ZNF521: variants seen among roughly 807,000 people sequenced by gnomAD.
ZNF521 encodes the protein LYST-interacting protein 3.
ZNF521 carries 14 observed loss-of-function variants against 105.5 expected under a neutral mutation model. The observed-to-expected ratio is 0.13, with a 90% confidence interval of 0.09 to 0.21. ZNF521 has a LOEUF of 0.21. ZNF521 is among the 10% of genes least tolerant of loss of function. The pLI is 1.00. For synonymous variants in ZNF521, 635 were observed against 606.0 expected, an observed-to-expected ratio of 1.05 and a Z score of -0.70; for missense variants, 1,233 against 1,629.7, an observed-to-expected ratio of 0.76 and a Z score of 4.19.
chr18:25,288,936 A>G (rs1025390863), intron 3 of ZNF521, among the ~76,000 whole-genome samples: 2 of 152,252 alleles, frequency 1.3e-5, no homozygotes, highest in Non-Finnish European at 2.9e-5. Context: ...TTAACAAAAT[A>G]AATATGTTTT....
At chr18:25,231,736 A>G (rs990068408) in intron 3 of ZNF521, among the ~76,000 whole-genome samples, 2 of 152,226 alleles carry the variant, frequency 1.3e-5, no homozygotes, top group Admixed American at 6.5e-5. Flanking sequence ...GGCTAGACTA[A>G]TGTTAATGCT....
At chr18:25,275,381 G>A (rs1909963041) in intron 3 of ZNF521, among the ~76,000 whole-genome samples, 1 of 152,164 alleles carries the variant, frequency 6.6e-6, no homozygotes, top group Admixed American at 6.5e-5. Context: ...AGCTATAACT[G>A]GCTGAGTAGT....
At chr18:25,169,983 A>AT (rs2035418308) in intron 5 of ZNF521, among the ~76,000 whole-genome samples, 2 of 152,224 alleles carry the variant, frequency 1.3e-5, no homozygotes, top group Admixed American at 6.5e-5. Flanking sequence ...TATTAACAAT[A>AT]TAATACTGAT....
chr18:25,193,976 A>AT (rs1292342125), intron 5 of ZNF521, among the ~76,000 whole-genome samples: 2 of 151,504 alleles, frequency 1.3e-5, no homozygotes, highest in African/African-American at 4.9e-5. Flanking sequence ...TTATCAATCA[A>AT]TTTTCCAACA....
At chr18:25,214,817 C>T (rs975756247) in intron 4 of ZNF521, among the ~76,000 whole-genome samples, 1 of 151,844 alleles carries the variant, frequency 6.6e-6, no homozygotes, top group Non-Finnish European at 1.5e-5. Flanking sequence ...TATAGTTTGG[C>T]CTGGAGAAAG....
intron 3 of ZNF521, among the ~76,000 whole-genome samples, chr18:25,278,021 C>T (rs746454872): frequency 3.3e-5 from 5 of 152,074 alleles, no homozygotes; most frequent in East Asian, 3.8e-4. Flanking sequence ...GTGCAAATTA[C>T]GAAATAAGGA....
Position 25,226,895 on chromosome 18 carries a change from G to A in ZNF521, c.1023C>T (p.Ser341=), listed in dbSNP as rs1251586016. Residue 341 remains serine (S), a synonymous_variant, in exon 4 of 8, where the codon AGC becomes AGT. Transcript: ENST00000361524. The surrounding 1 kb of genome is among the most constrained non-coding windows in gnomAD (Gnocchi z 4.1). Reference sequence around the variant, plus strand: ...CCACCGTGACCAGGGAAGGGCTGTTGCTGTGATTGCATGACTCCGGTTGCT... The same window carrying A: ...CCACCGTGACCAGGGAAGGGCTGTTACTGTGATTGCATGACTCCGGTTGCT... ...SHQQPESCNH[S]NSPSLVTVGY... The A allele has an allele frequency of 6.2e-7, 1 of 1,613,754 alleles. No homozygotes were observed. The highest frequency in any genetic ancestry group is 8.5e-7 in the Non-Finnish European group (1 of 1,180,014).
chr18:25,225,185 G>C lies in ZNF521; in HGVS notation c.2733C>G (p.Ile911Met), dbSNP rs772378594. 6.2e-7 allele frequency: 1 copy of C among 1,614,128 alleles called. No homozygotes were observed. The highest frequency in any genetic ancestry group is 8.5e-7 in the Non-Finnish European group (1 of 1,180,028). ...LQNHQLRDHNIRPGESAIVKK... is the reference protein window; with the variant it reads ...LQNHQLRDHNMRPGESAIVKK... ...TCACGATGGCACTTTCTCCAGGTCTGATGTTGTGGTCTCGGAGCTGGTGAT... is the reference window on the plus strand; with the variant it reads ...TCACGATGGCACTTTCTCCAGGTCTCATGTTGTGGTCTCGGAGCTGGTGAT... The change falls in exon 4 of 8, where the codon ATC (isoleucine) becomes ATG (methionine). Residue 911 changes from isoleucine (I) to methionine (M), a missense_variant. Physicochemically the swap from Ile to Met is conservative, Grantham distance 10. Around this residue, in one of 6 missense-constraint regions of ZNF521, gnomAD observed 614 missense variants for 751.5 expected, o/e 0.82. Coordinates refer to ENST00000361524, the MANE Select transcript of ZNF521 (RefSeq NM_015461.3). This position sits in a 1 kb window ranked among gnomAD's most constrained non-coding sequence, Gnocchi z 5.6.
Position 25,226,505 on chromosome 18 carries a change from G to A in ZNF521, c.1413C>T (p.Ala471=), listed in dbSNP as rs983715723. The change falls in exon 4 of 8, where the codon GCC becomes GCT. Residue 471 remains alanine (A), a synonymous_variant. Transcript: ENST00000361524. This position sits in a 1 kb window ranked among gnomAD's most constrained non-coding sequence, Gnocchi z 4.1. ...TACACTGGTAGACAATGGCAGGCATGGCAGAAACAATCAGACCTGGGTCCT... is the reference window on the plus strand; with the variant it reads ...TACACTGGTAGACAATGGCAGGCATAGCAGAAACAATCAGACCTGGGTCCT... ...EAQDPGLIVS[A]MPAIVYQCNF... 6.2e-7 allele frequency: 1 copy of A among 1,614,106 alleles called. No homozygotes were observed. Among genetic ancestry groups the A allele is most frequent in the Non-Finnish European group, 8.5e-7 (1 of 1,180,006 alleles).
At chr18:25,098,263 G>A (rs1356572965) in intron 5 of ZNF521, among the ~76,000 whole-genome samples, 2 of 152,140 alleles carry the variant, frequency 1.3e-5, no homozygotes, top group Non-Finnish European at 2.9e-5. Context: ...TTTGGCACAA[G>A]TAGGGAATGG....
Position 25,211,227 on chromosome 18 carries a change from C to A in ZNF521, c.3573+13118G>T, listed in dbSNP as rs182818051. 5.9e-4 allele frequency among the ~76,000 whole-genome samples: 89 copies of A among 152,054 alleles called. 1 individual carries two copies. The highest frequency in any genetic ancestry group is 8.2e-4 in the Non-Finnish European group (56 of 67,998). On this transcript the variant is annotated intron_variant, in intron 4 of 7. Transcript: ENST00000361524. ...GCCTTTTGTGGGTTAGAATATATGGCTAGAAATTTTAGAATATCATTTTGT... is the reference window on the plus strand; with the variant it reads ...GCCTTTTGTGGGTTAGAATATATGGATAGAAATTTTAGAATATCATTTTGT...
intron 3 of ZNF521, among the ~76,000 whole-genome samples, chr18:25,287,275 A>T (rs1910761139): frequency 2.0e-5 from 3 of 152,164 alleles, no homozygotes. Context: ...CTAATTTCTT[A>T]TTCTTGCAGC....
intron 5 of ZNF521, among the ~76,000 whole-genome samples, chr18:25,157,527 A>G (rs1293060565): frequency 6.6e-6 from 1 of 152,242 alleles, no homozygotes; most frequent in Non-Finnish European, 1.5e-5. Context: ...CACGTTGGTA[A>G]CAATTCAGTG....
At chr18:25,147,580 A>G (rs1249010273) in intron 5 of ZNF521, among the ~76,000 whole-genome samples, 1 of 152,198 alleles carries the variant, frequency 6.6e-6, no homozygotes, top group Non-Finnish European at 1.5e-5. Context: ...TATAGCTTCC[A>G]GACCAATTTA....
intron 3 of ZNF521, among the ~76,000 whole-genome samples, chr18:25,248,794 A>G (rs1368860507): frequency 6.6e-6 from 1 of 152,222 alleles, no homozygotes; most frequent in Admixed American, 6.5e-5. Flanking sequence ...AGTACTGAGC[A>G]CTATTATAAT....
intron 3 of ZNF521, among the ~76,000 whole-genome samples, chr18:25,233,067 T>C (rs1391403260): frequency 6.6e-6 from 1 of 152,186 alleles, no homozygotes; most frequent in Non-Finnish European, 1.5e-5. Flanking sequence ...GAGGACAATA[T>C]TTTGAAATGC....
chr18:25,186,427 T>G (rs1323241766), intron 5 of ZNF521, among the ~76,000 whole-genome samples: 1 of 152,198 alleles, frequency 6.6e-6, no homozygotes, highest in Non-Finnish European at 1.5e-5. Flanking sequence ...CCTCCGAGTA[T>G]CTAAGCTTTT....
intron 7 of ZNF521, among the ~76,000 whole-genome samples, chr18:25,063,953 C>T (rs2032982110): frequency 1.3e-5 from 2 of 152,220 alleles, no homozygotes; most frequent in African/African-American, 4.8e-5. Flanking sequence ...ACATAGGATG[C>T]ATCTTAGGTC....
In ZNF521 at chr18:25,226,411, C is replaced by G. The variant is rs776710604; in HGVS notation, c.1507G>C (p.Ala503Pro). The change falls in exon 4 of 8, where the codon GCA becomes CCA. Residue 503 changes from alanine to proline, a missense_variant. By Grantham distance (27) the Ala-to-Pro change is conservative (BLOSUM62 -1). Transcript: ENST00000361524. The surrounding 1 kb of genome is among the most constrained non-coding windows in gnomAD (Gnocchi z 4.1). ...TTACTATCTTTAGCTGCAGGGTTTG[C>G]AAATCCATGAGAACATCGGATGTGT... The part of the protein sequence containing the change: ...QEHIRCSHGF[A>P]NPAAKDSNAF... 3.7e-6 allele frequency: 6 copies of G among 1,614,014 alleles called. No individual in the cohort carries two copies. Among genetic ancestry groups the G allele is most frequent in the Middle Eastern group, 1.6e-4 (1 of 6,084 alleles).
Sources: allele counts gnomAD v4.1 joint callset (sites outside exome capture counted in the v4.1 genomes callset), GRCh38; gene constraint gnomAD v4.1.1; regional missense constraint gnomAD v4.1.1; non-coding constraint Gnocchi (gnomAD v3.1); transcripts MANE v1.5; gene names NCBI Gene and HGNC (gene_info 2026-07-23, HGNC 2026-07-21).